TNR: variants seen among roughly 807,000 people sequenced by gnomAD.
TNR encodes the protein tenascin R.
A neutral mutation model predicts 150.4 loss-of-function variants in TNR; 45 were observed. The ratio of observed to expected loss-of-function variants is 0.30; its 90% CI spans 0.24 to 0.38. The LOEUF is 0.38. Ranked by LOEUF, TNR falls within the 10% of genes least tolerant of loss-of-function variation. The pLI is 1.00. For missense variants in TNR, 1,544 were observed against 1,759.1 expected, an observed-to-expected ratio of 0.88 and a Z score of 2.19; for synonymous variants, 687 against 678.4, an observed-to-expected ratio of 1.01 and a Z score of -0.20.
chr1:175,470,593 T>C (rs1657244278), intron 2 of TNR, among the ~76,000 whole-genome samples: 1 of 152,236 alleles, frequency 6.6e-6, no homozygotes, highest in African/African-American at 2.4e-5. Flanking sequence ...CAATGTGAAA[T>C]AAGTTAATCA....
At chr1:175,428,851 C>T (rs1297196032) in intron 2 of TNR, among the ~76,000 whole-genome samples, 3 of 152,218 alleles carry the variant, frequency 2.0e-5, no homozygotes, top group African/African-American at 7.2e-5. Flanking sequence ...TGTCATCTAT[C>T]ATCACTTACT....
At chr1:175,416,943 G>C (rs1452555617) in intron 2 of TNR, among the ~76,000 whole-genome samples, 1 of 151,910 alleles carries the variant, frequency 6.6e-6, no homozygotes, top group Non-Finnish European at 1.5e-5. Flanking sequence ...GGGAGGCGGA[G>C]CTTGCAGTGA....
At chr1:175,632,235 A>G (rs1664349170) in intron 1 of TNR, among the ~76,000 whole-genome samples, 1 of 152,258 alleles carries the variant, frequency 6.6e-6, no homozygotes, top group Admixed American at 6.5e-5. Context: ...CAGCTTTGGC[A>G]AAAGTACTTG....
At chr1:175,504,030 G>A (rs879303675) in intron 2 of TNR, among the ~76,000 whole-genome samples, 17 of 152,172 alleles carry the variant, frequency 1.1e-4, no homozygotes, top group Non-Finnish European at 1.9e-4. Context: ...GCTGCACCGC[G>A]GGGTGTACGA....
At chr1:175,654,780 G>A (rs990163490) in intron 1 of TNR, among the ~76,000 whole-genome samples, 4 of 142,594 alleles carry the variant, frequency 2.8e-5, no homozygotes, top group East Asian at 2.0e-4. Context: ...AGGCAGTGGC[G>A]CGACCTCAGC....
chr1:175,334,363 G>T (rs1650115707), intron 20 of TNR, among the ~76,000 whole-genome samples: 1 of 152,158 alleles, frequency 6.6e-6, no homozygotes, highest in African/African-American at 2.4e-5. Context: ...CTTTTTCAGG[G>T]ACTGAAACTA....
intron 2 of TNR, among the ~76,000 whole-genome samples, chr1:175,486,191 G>A (rs553753659): frequency 1.4e-4 from 21 of 151,694 alleles, no homozygotes; most frequent in Admixed American, 9.8e-4. Context: ...TTGTTGCATC[G>A]GTATACACGT....
chr1:175,570,183 C>A (rs562240320), intron 1 of TNR, among the ~76,000 whole-genome samples: 61 of 152,266 alleles, frequency 4.0e-4, no homozygotes, highest in African/African-American at 1.4e-3. Flanking sequence ...GTGGAGAAGA[C>A]CAAACTGCTG....
At chr1:175,586,786 C>T (rs938967260) in intron 1 of TNR, among the ~76,000 whole-genome samples, 12 of 152,192 alleles carry the variant, frequency 7.9e-5, no homozygotes, top group African/African-American at 4.8e-5. Context: ...TGAGACTCAC[C>T]TGACTGGGAT....
Position 175,667,445 on chromosome 1 carries a change from C to T in TNR, c.-165+75781G>A, listed in dbSNP as rs76617252. Among the ~76,000 whole-genome samples the T allele has an allele frequency of 6.9e-3, 1,055 of 152,308 alleles. 14 individuals carry two copies. The highest frequency in any genetic ancestry group is 0.024 in the African/African-American group (1,007 of 41,566). ...CCAGCTTGTATGTGAATAAATCATC[C>T]CTTATTCATTCTTAAACATTTCTTA... is the stretch of plus-strand genomic sequence containing the variant. On this transcript the variant is annotated intron_variant, in intron 1 of 22. Coordinates refer to ENST00000367674, the MANE Select transcript of TNR (RefSeq NM_003285.3).
intron 2 of TNR, among the ~76,000 whole-genome samples, chr1:175,474,476 G>A (rs1380051911): frequency 6.6e-6 from 1 of 152,206 alleles, no homozygotes; most frequent in East Asian, 1.9e-4. Context: ...CCAACCTCCA[G>A]AACAGGGAGA....
intron 18 of TNR, among the ~76,000 whole-genome samples, chr1:175,341,397 CACA>C (rs202075500): frequency 2.8e-4 from 42 of 152,244 alleles, no homozygotes; most frequent in East Asian, 1.2e-3. Context: ...AGAGAAAAGC[CACA>C]ACAAGTGCTT....
rs61731115 is a variant in TNR, at chr1:175,355,575, G to A, written c.3177C>T (p.Ile1059=). Residue 1059 remains isoleucine (I), a synonymous_variant, in exon 17 of 23, where the codon ATC becomes ATT. Coordinates refer to ENST00000367674, the MANE Select transcript of TNR (RefSeq NM_003285.3). ...TCTCTGCCCTGGGAGGCTGCCAGGA[G>A]ATCAGGGCACTTTGTCTGGTGACTT... is the stretch of plus-strand genomic sequence containing the variant. The part of the protein sequence containing the change: ...ASEVTRQSAL[I]SWQPPRAEIE... 0.097 allele frequency: 156,343 copies of A among 1,613,922 alleles called. 8,082 individuals carry two copies. The highest frequency in any genetic ancestry group is 0.14 in the African/African-American group (10,389 of 75,016).
In TNR at chr1:175,394,017, T is replaced by C. The variant is rs115461515; in HGVS notation, c.1241-122A>G. On this transcript the variant is annotated intron_variant, in intron 5 of 22. Transcript: ENST00000367674. ...GGGCGTGGTGGTGTCTGGTGGACAA[T>C]CCCAATCTTGCTCCAGACACAGTGA... is the stretch of plus-strand genomic sequence containing the variant. 582 of 750,722 alleles carry C rather than the reference T, an allele frequency of 7.8e-4. 1 individual carries two copies. In the African/African-American group the frequency reaches 9.4e-3, roughly 12 times the overall value. The allele number at this position is 750,722 out of a possible 1,614,324, so 46.5% of individuals were successfully genotyped here.
chr1:175,615,436 G>C (rs894965318), intron 1 of TNR, among the ~76,000 whole-genome samples: 12 of 152,024 alleles, frequency 7.9e-5, no homozygotes, highest in African/African-American at 2.9e-4. Context: ...CTGCAGGCCT[G>C]GAGATGCTTC....
At chr1:175,702,881 C>T (rs1176762992) in intron 1 of TNR, among the ~76,000 whole-genome samples, 1 of 152,156 alleles carries the variant, frequency 6.6e-6, no homozygotes, top group Non-Finnish European at 1.5e-5. Flanking sequence ...TTGGATCTGC[C>T]TCCATTTAAA....
intron 21 of TNR, among the ~76,000 whole-genome samples, chr1:175,328,998 G>T (rs1649568407): frequency 6.6e-6 from 1 of 152,244 alleles, no homozygotes; most frequent in Non-Finnish European, 1.5e-5. Context: ...TGCCCAAAGT[G>T]TGGCAAATTG....
Position 175,393,839 on chromosome 1 carries a change from C to G in TNR, c.1297G>C (p.Val433Leu). 6.2e-7 allele frequency: 1 copy of G among 1,614,228 alleles called. No homozygotes were observed. The highest frequency in any genetic ancestry group is 1.6e-4 in the Middle Eastern group (1 of 6,062). ...GAAAATGAGAAGGGCTCCCACTGCACCTCCACGGTGGTCTCTGTGATCGTC... is the reference window on the plus strand; with the variant it reads ...GAAAATGAGAAGGGCTCCCACTGCAGCTCCACGGTGGTCTCTGTGATCGTC... ...FKTITETTVE[V>L]QWEPFSFSFD... The change falls in exon 6 of 23, where the codon GTG becomes CTG. Residue 433 changes from valine to leucine, a missense_variant. Coordinates refer to ENST00000367674, the MANE Select transcript of TNR (RefSeq NM_003285.3).
At chr1:175,350,492 T>C (rs528769230) in intron 18 of TNR, among the ~76,000 whole-genome samples, 1 of 152,310 alleles carries the variant, frequency 6.6e-6, no homozygotes, top group South Asian at 2.1e-4. Context: ...AAGTAGACCT[T>C]GGATGAAATT....
Sources: allele counts gnomAD v4.1 joint callset (sites outside exome capture counted in the v4.1 genomes callset), GRCh38; gene constraint gnomAD v4.1.1; transcripts MANE v1.5; gene names NCBI Gene and HGNC (gene_info 2026-07-23, HGNC 2026-07-21).